The following OSBPL1A variants were observed in gnomAD, a reference collection of about 807,000 sequenced individuals.
OSBPL1A encodes the protein oxysterol-binding protein-related protein 1.
In OSBPL1A, 80 loss-of-function variants were observed where a neutral mutation model predicts 137.1. The observed-to-expected ratio is 0.58, with a 90% confidence interval of 0.49 to 0.70. The LOEUF (loss-of-function observed/expected upper bound fraction) is 0.70. Ranked by LOEUF, OSBPL1A falls within the 30% of genes least tolerant of loss-of-function variation. OSBPL1A has a pLI of 0.00. For synonymous variants in OSBPL1A, 365 were observed against 389.7 expected, an observed-to-expected ratio of 0.94 and a Z score of 0.75; for missense variants, 970 against 1,129.4, an observed-to-expected ratio of 0.86 and a Z score of 2.02.
intron 17 of OSBPL1A, among the ~76,000 whole-genome samples, chr18:24,217,118 A>G (rs2087726654): frequency 6.6e-6 from 1 of 152,226 alleles, no homozygotes; most frequent in Admixed American, 6.5e-5. Context: ...AAGAGGGGGA[A>G]AGATACTGTA....
chr18:24,315,783 TATA>T (rs1272195686), intron 11 of OSBPL1A, among the ~76,000 whole-genome samples: 2 of 109,926 alleles, frequency 1.8e-5, no homozygotes, highest in African/African-American at 4.0e-5. Context: ...TAATAAAAAA[TATA>T]ATATAATATA....
intron 17 of OSBPL1A, among the ~76,000 whole-genome samples, 196 bp downstream of exon 17, chr18:24,224,846 T>C (rs2088015758): frequency 6.6e-6 from 1 of 152,252 alleles, no homozygotes. Context: ...CCATGTGCTC[T>C]GTTCCTACAA....
intron 7 of OSBPL1A, among the ~76,000 whole-genome samples, chr18:24,320,682 G>A (rs2090831451): frequency 6.6e-6 from 1 of 152,174 alleles, no homozygotes; most frequent in Non-Finnish European, 1.5e-5. Context: ...AGGGTTTTAA[G>A]TAAGAGTAAC....
chr18:24,323,539 C>CTTTTTTTTTTTTTTT (rs763234169), intron 7 of OSBPL1A, among the ~76,000 whole-genome samples: 12 of 35,148 alleles, frequency 3.4e-4, no homozygotes, highest in East Asian at 1.3e-3. Flanking sequence ...GAGGCTTTTT[C>CTTTTTTTTTTTTTTT]TTTTTTTTTT....
intron 17 of OSBPL1A, among the ~76,000 whole-genome samples, chr18:24,204,002 T>C (rs76199981): frequency 2.0e-5 from 3 of 152,230 alleles, no homozygotes; most frequent in Admixed American, 2.0e-4. Context: ...TATTTCGATA[T>C]ATGATGTATT....
At chr18:24,166,451 CAAACTT>C in intron 26 of OSBPL1A, 122 bp downstream of exon 26, 1 of 1,181,110 alleles carries the variant, frequency 8.5e-7, no homozygotes, top group Non-Finnish European at 1.1e-6. Context: ...AATGTTAACT[CAAACTT>C]AATCTCTAAG....
intron 7 of OSBPL1A, among the ~76,000 whole-genome samples, chr18:24,331,643 G>A (rs980847673): frequency 8.0e-5 from 12 of 150,002 alleles, no homozygotes; most frequent in Admixed American, 1.3e-4. Context: ...TGATCCGCCC[G>A]CCTCGGCCTC....
At chr18:24,299,624 T>C (rs1599635300) in intron 14 of OSBPL1A, among the ~76,000 whole-genome samples, 1 of 152,274 alleles carries the variant, frequency 6.6e-6, no homozygotes, top group Non-Finnish European at 1.5e-5. Context: ...TGCTAAGAAG[T>C]CTACTGTTAA....
rs191886748 is a variant in OSBPL1A, at chr18:24,281,231, G to A, written c.1175-283C>T. Reference sequence around the variant, plus strand: ...CTCCCAAGTAGCTGGGACTACAGGCGCACACCACCACGCCCAGCTAATTTT... The same window carrying A: ...CTCCCAAGTAGCTGGGACTACAGGCACACACCACCACGCCCAGCTAATTTT... On this transcript the variant is annotated intron_variant, in intron 14 of 27. Coordinates refer to ENST00000319481, the MANE Select transcript of OSBPL1A (RefSeq NM_080597.4). Among the ~76,000 whole-genome samples, 8 of 150,682 alleles carry A rather than the reference G, an allele frequency of 5.3e-5. No individual in the cohort carries two copies. In the East Asian group the frequency reaches 9.8e-4, roughly 18 times the overall value.
chr18:24,358,350 G>A (rs1424146444), intron 4 of OSBPL1A: 7 of 643,606 alleles, frequency 1.1e-5, no homozygotes, highest in South Asian at 3.6e-5. Context: ...GCAAAGCTTC[G>A]CACACAGCAG....
chr18:24,360,702 T>C (rs1424079683), intron 4 of OSBPL1A, among the ~76,000 whole-genome samples: 2 of 152,208 alleles, frequency 1.3e-5, no homozygotes, highest in South Asian at 2.1e-4. Context: ...TCACATGTCC[T>C]TGTGTCTGCG....
At chr18:24,166,127 T>G (rs1259193628) in intron 26 of OSBPL1A, among the ~76,000 whole-genome samples, 2 of 152,054 alleles carry the variant, frequency 1.3e-5, no homozygotes, top group African/African-American at 2.4e-5. Flanking sequence ...AATACCCCAT[T>G]TACCCTGATG....
chr18:24,251,448 G>A (rs371992705), intron 15 of OSBPL1A, among the ~76,000 whole-genome samples: 2 of 152,178 alleles, frequency 1.3e-5, no homozygotes, highest in East Asian at 3.9e-4. Context: ...TAAGGAAAAA[G>A]AACAAGAGTC....
chr18:24,332,993 C>A lies in OSBPL1A; in HGVS notation c.574G>T (p.Ala192Ser). The change falls in exon 7 of 28, where the codon GCC becomes TCC. Residue 192 changes from alanine to serine, a missense_variant. By Grantham distance (99) the Ala-to-Ser change is moderately conservative (BLOSUM62 1). Coordinates refer to ENST00000319481, the MANE Select transcript of OSBPL1A (RefSeq NM_080597.4). The part of the protein sequence containing the change: ...CAAYRAHKQC[A>S]LKLLRSGADP... ...GCTCCACTTCTTAGAAGCTTTAAGGCACATTGTTTATGGGCCCGGTAAGCT... is the reference window on the plus strand; with the variant it reads ...GCTCCACTTCTTAGAAGCTTTAAGGAACATTGTTTATGGGCCCGGTAAGCT... 6.2e-7 allele frequency: 1 copy of A among 1,614,180 alleles called. No individual in the cohort carries two copies. The highest frequency in any genetic ancestry group is 8.5e-7 in the Non-Finnish European group (1 of 1,180,044).
At chr18:24,237,139 A>G (rs1320616849) in intron 16 of OSBPL1A, among the ~76,000 whole-genome samples, 1 of 152,134 alleles carries the variant, frequency 6.6e-6, no homozygotes, top group African/African-American at 2.4e-5. Flanking sequence ...ATGCTCAAAA[A>G]AGGTCTGTAA....
chr18:24,379,957 A>T (rs1406006301), intron 1 of OSBPL1A, among the ~76,000 whole-genome samples: 1 of 152,222 alleles, frequency 6.6e-6, no homozygotes, highest in Non-Finnish European at 1.5e-5. Context: ...CTACAGACAA[A>T]ATAGAACCTA....
At chr18:24,308,772 AT>A (rs35612886) in intron 13 of OSBPL1A, among the ~76,000 whole-genome samples, 16,519 of 148,410 alleles carry the variant, frequency 0.11, 1,090 homozygotes, top group South Asian at 0.17. Flanking sequence ...GAACAACTGA[AT>A]TTTTTTTTTT....
chr18:24,336,198 G>A (rs1328111678), intron 5 of OSBPL1A, among the ~76,000 whole-genome samples: 7 of 152,154 alleles, frequency 4.6e-5, no homozygotes, highest in Admixed American at 6.6e-5. Context: ...CATCTGGCAC[G>A]ATGCATAGTT....
At chr18:24,393,392 T>A (rs185917713) in intron 1 of OSBPL1A, among the ~76,000 whole-genome samples, 15 of 152,336 alleles carry the variant, frequency 9.8e-5, no homozygotes, top group African/African-American at 3.4e-4. Context: ...AACAGTAGAG[T>A]CACAGCCAGA....
Sources: allele counts gnomAD v4.1 joint callset (sites outside exome capture counted in the v4.1 genomes callset), GRCh38; gene constraint gnomAD v4.1.1; transcripts MANE v1.5; gene names NCBI Gene and HGNC (gene_info 2026-07-23, HGNC 2026-07-21).